Variants in LRP1B observed in about 807,000 individuals in gnomAD.
LRP1B encodes LDL receptor related protein 1B.
LRP1B carries 217 observed loss-of-function variants against 556.6 expected under a neutral mutation model. The ratio of observed to expected loss-of-function variants is 0.39; its 90% CI spans 0.35 to 0.44. The LOEUF is 0.44. LRP1B is among the 20% of genes least tolerant of loss of function. The pLI is 1.00. For missense variants in LRP1B, 5,053 were observed against 5,620.8 expected, an observed-to-expected ratio of 0.90 and a Z score of 3.23; for synonymous variants, 2,047 against 1,865.8, an observed-to-expected ratio of 1.10 and a Z score of -2.50.
Position 141,129,791 on chromosome 2 carries a change from T to TA in LRP1B, c.1013+58629dup, listed in dbSNP as rs34337720. Among the ~76,000 whole-genome samples the TA allele has an allele frequency of 7.2e-5, 11 of 152,018 alleles. No homozygotes were observed. The East Asian group carries it at 7.7e-4, about 11-fold the overall frequency. ...CAGCAATATCCATTTAATAAACAAA[T>TA]AGAGTTAGAAAATTTACTATATGTA... On this transcript the variant is annotated intron_variant, in intron 7 of 90. Coordinates refer to ENST00000389484, the MANE Select transcript of LRP1B (RefSeq NM_018557.3).
At chr2:141,241,687 A>G (rs1350216296) in intron 5 of LRP1B, among the ~76,000 whole-genome samples, 1 of 152,128 alleles carries the variant, frequency 6.6e-6, no homozygotes, top group Non-Finnish European at 1.5e-5. Context: ...TTTGTCAAGC[A>G]CATACTCTGC....
chr2:140,322,204 AAATTTCCACTGATGTGG>A, intron 81 of LRP1B, 116 bp from the exon 82 acceptor site: 1 of 995,464 alleles, frequency 1.0e-6, no homozygotes, highest in Non-Finnish European at 1.5e-6. Flanking sequence ...TAATCACATT[AAATTTCCACTGATGTGG>A]AGTATCTCAC....
At chr2:141,289,627 T>C (rs1685865214) in intron 3 of LRP1B, among the ~76,000 whole-genome samples, 1 of 152,086 alleles carries the variant, frequency 6.6e-6, no homozygotes, top group Non-Finnish European at 1.5e-5. Flanking sequence ...GGCTCTACTT[T>C]AGGAAAAATA....
At chr2:142,007,454 C>G (rs544477777) in intron 1 of LRP1B, among the ~76,000 whole-genome samples, 2 of 152,224 alleles carry the variant, frequency 1.3e-5, no homozygotes, top group East Asian at 3.9e-4. Context: ...GAGAAAAGGG[C>G]TTCCTTATCT....
In LRP1B at chr2:140,378,239, A is replaced by G. The variant is rs2105183012; in HGVS notation, c.10579T>C (p.Cys3527Arg). ...LKDFLCANGD[C>R]VSSRFWCDGD... is the part of the protein sequence containing the mutation. ...TCACACCAAAACCTTGAAGAAACAC[A>G]GTCCCCATTGGCACAGAGGAAATCT... The change falls in exon 68 of 91, where the codon TGT becomes CGT. Residue 3527 changes from cysteine to arginine, a missense_variant. Cys to Arg is a radical substitution (Grantham distance 180). Coordinates refer to ENST00000389484, the MANE Select transcript of LRP1B (RefSeq NM_018557.3). 1.2e-6 allele frequency: 2 copies of G among 1,613,836 alleles called. No individual in the cohort carries two copies. The highest frequency in any genetic ancestry group is 1.7e-6 in the Non-Finnish European group (2 of 1,179,748).
chr2:140,354,817 C>A (rs1682136250), intron 75 of LRP1B, among the ~76,000 whole-genome samples: 1 of 151,994 alleles, frequency 6.6e-6, no homozygotes, highest in South Asian at 2.1e-4. Flanking sequence ...TTTCTTCCAC[C>A]ATTCCTCTTT....
intron 49 of LRP1B, among the ~76,000 whole-genome samples, chr2:140,519,266 T>C (rs1690052737): frequency 6.6e-6 from 1 of 152,056 alleles, no homozygotes; most frequent in Non-Finnish European, 1.5e-5. Flanking sequence ...AACAGAGATA[T>C]AGACCAATGG....
intron 22 of LRP1B, among the ~76,000 whole-genome samples, chr2:140,906,734 C>G (rs1476220883): frequency 6.6e-6 from 1 of 151,858 alleles, no homozygotes; most frequent in African/African-American, 2.4e-5. Context: ...ATGAGCAAAC[C>G]TCTCACCAAC....
chr2:140,282,788 T>C (rs1249437899), intron 84 of LRP1B, among the ~76,000 whole-genome samples: 2 of 151,848 alleles, frequency 1.3e-5, no homozygotes, highest in Non-Finnish European at 1.5e-5. Context: ...CCAAGTTAGA[T>C]GTTTGTCTCT....
At chr2:141,117,210 A>G (rs1157793017) in intron 7 of LRP1B, among the ~76,000 whole-genome samples, 1 of 149,436 alleles carries the variant, frequency 6.7e-6, no homozygotes. Context: ...CCTCTGTAGG[A>G]TAAGAATTAC....
intron 3 of LRP1B, among the ~76,000 whole-genome samples, chr2:141,315,882 C>CTTTTTTTTTTTTTTTTT (rs70991157): frequency 1.7e-4 from 3 of 18,140 alleles, no homozygotes; most frequent in Non-Finnish European, 2.8e-4. Flanking sequence ...TTAGTCTGGT[C>CTTTTTTTTTTTTTTTTT]TTTTTTTTTT....
chr2:141,646,311 A>C (rs1689562116), intron 2 of LRP1B, among the ~76,000 whole-genome samples: 1 of 152,138 alleles, frequency 6.6e-6, no homozygotes, highest in South Asian at 2.1e-4. Context: ...ATTCATTACA[A>C]GTAAACTTAA....
chr2:142,019,499 T>C (rs973691294), intron 1 of LRP1B, among the ~76,000 whole-genome samples: 2 of 152,130 alleles, frequency 1.3e-5, no homozygotes, highest in African/African-American at 4.8e-5. Flanking sequence ...CATGTCACTA[T>C]TGTCACTCCT....
At chr2:141,292,904 G>A (rs1686031936) in intron 3 of LRP1B, among the ~76,000 whole-genome samples, 1 of 152,090 alleles carries the variant, frequency 6.6e-6, no homozygotes, top group South Asian at 2.1e-4. Flanking sequence ...ATGAACTTTA[G>A]TTAATAATAA....
chr2:141,745,354 G>GCT (rs1416590370), intron 2 of LRP1B, among the ~76,000 whole-genome samples: 1 of 152,126 alleles, frequency 6.6e-6, no homozygotes, highest in Non-Finnish European at 1.5e-5. Flanking sequence ...CTACCGGCAT[G>GCT]CTCTATTTTA....
At chr2:142,014,258 G>A (rs2105161477) in intron 1 of LRP1B, among the ~76,000 whole-genome samples, 1 of 150,946 alleles carries the variant, frequency 6.6e-6, no homozygotes, top group Non-Finnish European at 1.5e-5. Context: ...ACCCTCTCTT[G>A]GGGTCTGAAT....
In LRP1B at chr2:141,616,808, C is replaced by T. The variant is rs141479259; in HGVS notation, c.206-136275G>A. Among the ~76,000 whole-genome samples, 674 of 152,264 alleles carry T rather than the reference C, an allele frequency of 4.4e-3. 4 individuals carry two copies. Among genetic ancestry groups the T allele is most frequent in the African/African-American group, 0.016 (648 of 41,550 alleles). On this transcript the variant is annotated intron_variant, in intron 2 of 90. Coordinates refer to ENST00000389484, the MANE Select transcript of LRP1B (RefSeq NM_018557.3). ...AATCACTTTCTATATCTCTGGTGTA[C>T]AATCACTCTTTACTGTTTTTCTGCC...
intron 55 of LRP1B, among the ~76,000 whole-genome samples, chr2:140,499,652 T>C (rs945441642): frequency 6.6e-6 from 1 of 151,948 alleles, no homozygotes; most frequent in Non-Finnish European, 1.5e-5. Flanking sequence ...TATTGAATGC[T>C]GTAGGCAATT....
At chr2:141,356,994 G>A (rs1688649963) in intron 3 of LRP1B, among the ~76,000 whole-genome samples, 1 of 151,936 alleles carries the variant, frequency 6.6e-6, no homozygotes, top group South Asian at 2.1e-4. Context: ...ACAACAAATA[G>A]TCATGATGGA....
Sources: allele counts gnomAD v4.1 joint callset (sites outside exome capture counted in the v4.1 genomes callset), GRCh38; gene constraint gnomAD v4.1.1; transcripts MANE v1.5; gene names NCBI Gene and HGNC (gene_info 2026-07-23, HGNC 2026-07-21).